Variants in NEO1 observed in about 807,000 individuals in gnomAD.
The protein encoded by NEO1 is neogenin 1, also known as neogenin.
In NEO1, 63 loss-of-function variants were observed where a neutral mutation model predicts 159.7. The observed-to-expected ratio is 0.39, with a 90% confidence interval of 0.32 to 0.49. The LOEUF (loss-of-function observed/expected upper bound fraction) is 0.49, where lower values mean the gene tolerates loss of function less well. Ranked by LOEUF, NEO1 falls within the 20% of genes least tolerant of loss-of-function variation. NEO1 has a pLI of 0.85. For missense variants in NEO1, 1,615 were observed against 1,831.0 expected, an observed-to-expected ratio of 0.88 and a Z score of 2.15; for synonymous variants, 633 against 662.0, an observed-to-expected ratio of 0.96 and a Z score of 0.67.
intron 20 of NEO1, among the ~76,000 whole-genome samples, chr15:73,274,435 A>T (rs1445213009): frequency 6.6e-6 from 1 of 152,218 alleles, no homozygotes; most frequent in African/African-American, 2.4e-5. Flanking sequence ...TTTTAAATAA[A>T]ACCCTAGATA....
chr15:73,283,882 A>G (rs2041834020), intron 23 of NEO1, among the ~76,000 whole-genome samples: 1 of 152,218 alleles, frequency 6.6e-6, no homozygotes, highest in Admixed American at 6.5e-5. Flanking sequence ...GAATATTTTT[A>G]AAGAATTGCT....
At chr15:73,177,032 T>C (rs1005518240) in intron 6 of NEO1, among the ~76,000 whole-genome samples, 5 of 152,216 alleles carry the variant, frequency 3.3e-5, no homozygotes, top group Non-Finnish European at 7.3e-5. Flanking sequence ...CGTATACCGA[T>C]GCCCAGACCC....
chr15:73,272,643 G>A, intron 19 of NEO1, 81 bp downstream of exon 19: 1 of 980,878 alleles, frequency 1.0e-6, no homozygotes, highest in Non-Finnish European at 1.6e-6. Flanking sequence ...CATGTTGCTG[G>A]GAGAAGTGGG....
intron 1 of NEO1, among the ~76,000 whole-genome samples, chr15:73,085,095 G>GTT (rs142517146): frequency 1.1e-4 from 16 of 151,326 alleles, no homozygotes; most frequent in Non-Finnish European, 1.3e-4. Context: ...AGTTAAAAAA[G>GTT]TTTTTTTTTA....
At chr15:73,301,186 A>ACTG in intron 27 of NEO1, 135 bp from the exon 28 acceptor site, 1 of 1,120,058 alleles carries the variant, frequency 8.9e-7, no homozygotes, top group Non-Finnish European at 1.3e-6. Flanking sequence ...TATTCCAGTA[A>ACTG]CTTTTCAGAG....
intron 1 of NEO1, among the ~76,000 whole-genome samples, chr15:73,113,124 C>G (rs1406676807): frequency 6.6e-6 from 1 of 151,166 alleles, no homozygotes; most frequent in Non-Finnish European, 1.5e-5. Flanking sequence ...ATACTTGTAA[C>G]TAACAAGTGG....
chr15:73,200,619 G>A (rs911034857), intron 7 of NEO1, among the ~76,000 whole-genome samples: 16 of 151,232 alleles, frequency 1.1e-4, no homozygotes, highest in Admixed American at 2.6e-4. Flanking sequence ...AAAGGGAAAG[G>A]GAGTCTTTTT....
chr15:73,297,961 G>A (rs1040136162), intron 26 of NEO1, among the ~76,000 whole-genome samples: 18 of 152,246 alleles, frequency 1.2e-4, no homozygotes, highest in Admixed American at 1.1e-3. Context: ...TTGGTGGTTA[G>A]CCATGGTTGT....
Position 73,052,597 on chromosome 15 carries a change from G to A in NEO1, c.-79G>A. ...GGAGCCGAGCTTGCAGCGAGGGACC[G>A]GCTGAGGCGCGCGGGAGGGAAGGAG... On this transcript the variant is annotated 5_prime_UTR_variant, in exon 1 of 29. Coordinates refer to ENST00000261908, the MANE Select transcript of NEO1 (RefSeq NM_002499.4). The A allele has an allele frequency of 1.0e-6, 1 of 961,038 alleles. No homozygotes were observed. The highest frequency in any genetic ancestry group is 1.3e-6 in the Non-Finnish European group (1 of 763,078). 59.5% of individuals were successfully genotyped at this position (961,038 alleles called of 1,614,324 possible). A position where few individuals can be genotyped will look rare whatever the true frequency, so the allele number is the denominator to read the frequency against.
chr15:73,258,694 A>T (rs1596503094), intron 13 of NEO1, 72 bp from the exon 14 acceptor site: 1 of 1,282,188 alleles, frequency 7.8e-7, no homozygotes, highest in Non-Finnish European at 1.1e-6. Flanking sequence ...TGTTTGCCTT[A>T]ATGAGGGATT....
chr15:73,087,675 CTT>C (rs2069442642), intron 1 of NEO1, among the ~76,000 whole-genome samples: 2 of 152,190 alleles, frequency 1.3e-5, no homozygotes, highest in Non-Finnish European at 2.9e-5. Flanking sequence ...ATTGTAGAAA[CTT>C]AAACTATAGA....
At chr15:73,108,800 C>T (rs78341827) in intron 1 of NEO1, among the ~76,000 whole-genome samples, 10 of 152,124 alleles carry the variant, frequency 6.6e-5, no homozygotes, top group African/African-American at 1.9e-4. Flanking sequence ...GCTAGCCATG[C>T]GACAGAGAGT....
At chr15:73,122,094 T>C (rs934803254) in intron 2 of NEO1, among the ~76,000 whole-genome samples, 257 of 103,772 alleles carry the variant, frequency 2.5e-3, no homozygotes, top group Middle Eastern at 9.0e-3. Context: ...TATATATATA[T>C]ACACATTATA....
intron 7 of NEO1, among the ~76,000 whole-genome samples, chr15:73,229,178 T>A (rs530477543): frequency 7.9e-5 from 12 of 152,238 alleles, no homozygotes; most frequent in Admixed American, 5.2e-4. Context: ...TATTTAGATC[T>A]TCTTTAATTT....
intron 5 of NEO1, among the ~76,000 whole-genome samples, chr15:73,161,158 G>A (rs112630008): frequency 0.053 from 8,058 of 152,206 alleles, 298 homozygotes; most frequent in Non-Finnish European, 0.066. Context: ...CCGAGTTTGT[G>A]TCATACTTAG....
intron 5 of NEO1, among the ~76,000 whole-genome samples, chr15:73,164,520 T>C (rs2034434693): frequency 6.6e-6 from 1 of 152,202 alleles, no homozygotes; most frequent in African/African-American, 2.4e-5. Context: ...CAGCCTCTTT[T>C]TCTTATTTCC....
At chr15:73,158,233 T>TTA (rs1176013258) in intron 5 of NEO1, among the ~76,000 whole-genome samples, 1 of 131,780 alleles carries the variant, frequency 7.6e-6, no homozygotes, top group Non-Finnish European at 1.7e-5. Flanking sequence ...TTTTTTTTTT[T>TTA]ACAATTTTTT....
intron 7 of NEO1, among the ~76,000 whole-genome samples, chr15:73,225,053 C>A (rs745453691): frequency 3.3e-5 from 5 of 152,162 alleles, no homozygotes; most frequent in Non-Finnish European, 7.3e-5. Flanking sequence ...GAGAGCCAGG[C>A]TGCAGTGATT....
intron 5 of NEO1, among the ~76,000 whole-genome samples, chr15:73,174,594 C>T (rs1482398669): frequency 1.3e-5 from 2 of 152,142 alleles, no homozygotes; most frequent in Non-Finnish European, 2.9e-5. Context: ...ATCCTCCAAA[C>T]TGAAAATTAA....
Sources: gnomAD v4.1 joint callset for allele counts (sites outside exome capture counted in the v4.1 genomes callset) on GRCh38, gnomAD v4.1.1 for gene constraint, MANE v1.5 for transcripts, NCBI Gene and HGNC (gene_info 2026-07-23, HGNC 2026-07-21) for gene names.